The following SNRK variants were observed in gnomAD, a reference collection of about 807,000 sequenced individuals.
The protein encoded by SNRK is SNF related kinase.
Under a neutral mutation model 48.2 loss-of-function variants are expected in SNRK, and 3 were observed. The observed-to-expected ratio is 0.06, with a 90% confidence interval of 0.03 to 0.16. SNRK has a LOEUF of 0.16. Ranked by LOEUF, SNRK falls within the 10% of genes least tolerant of loss-of-function variation. The pLI is 1.00. For synonymous variants in SNRK, 376 were observed against 366.1 expected (o/e 1.03, Z -0.31); for missense variants, 627 against 976.0 (o/e 0.64, Z 4.76).
At position 43,347,544 on chromosome 3, in the gene SNRK, C is replaced by T. The variant is rs2091286367; in HGVS notation, c.1285C>T (p.Pro429Ser). 1.2e-6 allele frequency: 2 copies of T among 1,613,658 alleles called. No homozygotes were observed. Among genetic ancestry groups the T allele is most frequent in the African/African-American group, 1.3e-5 (1 of 74,986 alleles). Residue 429 changes from proline to serine, a missense_variant, in exon 7 of 7, where the codon CCC (proline) becomes TCC (serine). This residue lies in a region of SNRK where 175 missense variants were observed against 209.7 expected (regional missense o/e 0.83). Transcript: ENST00000296088. This position sits in a 1 kb window ranked among gnomAD's most constrained non-coding sequence, Gnocchi z 5.4. ...LAGPALSTVP[P>S]ASLKPTASGR... ...TGGACCAGCACTCTCTACGGTGCCACCCGCAAGCTTAAAACCCACAGCCAG... is the reference window on the plus strand; with the variant it reads ...TGGACCAGCACTCTCTACGGTGCCATCCGCAAGCTTAAAACCCACAGCCAG...
At chr3:43,300,044 TC>T (rs2125617804) in intron 2 of SNRK, among the ~76,000 whole-genome samples, 1 of 152,344 alleles carries the variant, frequency 6.6e-6, no homozygotes, top group East Asian at 1.9e-4. Flanking sequence ...GTCTAAACTT[TC>T]AGTTAATCAT....
At chr3:43,338,212 C>G (rs996019915) in intron 4 of SNRK, among the ~76,000 whole-genome samples, 1 of 152,196 alleles carries the variant, frequency 6.6e-6, no homozygotes, top group Non-Finnish European at 1.5e-5. Flanking sequence ...TTTACCCTTC[C>G]AAGTGGAATC....
intron 2 of SNRK, among the ~76,000 whole-genome samples, chr3:43,302,691 T>C (rs2090906938): frequency 6.6e-6 from 1 of 151,740 alleles, no homozygotes; most frequent in Non-Finnish European, 1.5e-5. Context: ...TTGGGGAAAC[T>C]GAAAAGTTGT....
At position 43,350,498 on chromosome 3, in the gene SNRK, A is replaced by G. The variant is rs937337064; in HGVS notation, c.*1941A>G. 6.6e-6 allele frequency: 1 copy of G among 152,584 alleles called. No individual in the cohort carries two copies. Among genetic ancestry groups the G allele is most frequent in the Non-Finnish European group, 1.5e-5 (1 of 68,030 alleles). The allele number at this position is 152,584 out of a possible 1,614,324, so 9.5% of individuals were successfully genotyped here. On this transcript the variant is annotated 3_prime_UTR_variant, in exon 7 of 7. Coordinates refer to ENST00000296088, the MANE Select transcript of SNRK (RefSeq NM_017719.5). ...ATGTGTTTGGTTTCAATGGTTTTTTATATTCAGATGTATATATGGTGCTCA... is the reference window on the plus strand; with the variant it reads ...ATGTGTTTGGTTTCAATGGTTTTTTGTATTCAGATGTATATATGGTGCTCA...
rs757130629 is a variant in SNRK at position 43,303,813 on chromosome 3, A to G, written c.589+21A>G. 1 of 1,508,434 alleles carries G rather than the reference A, an allele frequency of 6.6e-7. No homozygotes were observed. Among genetic ancestry groups the G allele is most frequent in the Non-Finnish European group, 9.1e-7 (1 of 1,095,918 alleles). The allele number at this position is 1,508,434 out of a possible 1,614,324, so 93.4% of individuals were successfully genotyped here. On this transcript the variant is annotated intron_variant, in intron 3 of 6. Coordinates refer to ENST00000296088, the MANE Select transcript of SNRK (RefSeq NM_017719.5). The surrounding 1 kb of genome is among the most constrained non-coding windows in gnomAD (Gnocchi z 6.2). ...AGTAGGTAGGTAACCTCGGTCCAGT[A>G]TTTGGCCATTTGAATTCTGCCAGCT...
In SNRK at chr3:43,348,742, C is replaced by T; in HGVS notation, c.*185C>T. The T allele has an allele frequency of 1.9e-6, 1 of 516,776 alleles. No individual in the cohort carries two copies. The allele number at this position is 516,776 out of a possible 1,614,324, so 32.0% of individuals were successfully genotyped here. A position where few individuals can be genotyped will look rare whatever the true frequency, so the allele number is the denominator to read the frequency against. On this transcript the variant is annotated 3_prime_UTR_variant, in exon 7 of 7. Transcript: ENST00000296088. ...TTTGTGCATGCTGCTAGACACTTTT[C>T]TTTCCCAGCCGAAAAGCCTATTATG...
intron 4 of SNRK, among the ~76,000 whole-genome samples, chr3:43,338,028 G>A (rs1209949184): frequency 6.6e-6 from 1 of 152,188 alleles, no homozygotes; most frequent in Non-Finnish European, 1.5e-5. Context: ...GCGATGACGG[G>A]TATGAGCCAC....
intron 6 of SNRK, 100 bp downstream of exon 6, chr3:43,343,578 A>G: frequency 7.8e-7 from 1 of 1,287,040 alleles, no homozygotes; most frequent in Non-Finnish European, 1.1e-6. Flanking sequence ...GGGGCAAGAG[A>G]GTACAAACAG....
At position 43,349,333 on chromosome 3, in the gene SNRK, T is replaced by C. The variant is rs1368758500; in HGVS notation, c.*776T>C. 6.5e-6 allele frequency: 1 copy of C among 152,680 alleles called. No homozygotes were observed. Among genetic ancestry groups the C allele is most frequent in the Non-Finnish European group, 1.5e-5 (1 of 68,044 alleles). 9.5% of individuals were successfully genotyped at this position (152,680 alleles called of 1,614,324 possible). On this transcript the variant is annotated 3_prime_UTR_variant, in exon 7 of 7. Transcript: ENST00000296088. ...GTCTTAACTCTACTTAGAGAGTGTATGTCTGTCTAACAGAACAAAAAGATG... is the reference window on the plus strand; with the variant it reads ...GTCTTAACTCTACTTAGAGAGTGTACGTCTGTCTAACAGAACAAAAAGATG...
At chr3:43,309,167 T>G (rs2090959939) in intron 3 of SNRK, among the ~76,000 whole-genome samples, 1 of 152,142 alleles carries the variant, frequency 6.6e-6, no homozygotes, top group African/African-American at 2.4e-5. Context: ...TTTTAGTTGT[T>G]GTTGTTTTAT....
In SNRK at chr3:43,303,420, C is replaced by T. The variant is rs1363931438; in HGVS notation, c.217C>T (p.Pro73Ser). The change falls in exon 3 of 7, where the codon CCT becomes TCT. Residue 73 changes from proline (P) to serine (S), a missense_variant. Coordinates refer to ENST00000296088, the MANE Select transcript of SNRK (RefSeq NM_017719.5). This position sits in a 1 kb window ranked among gnomAD's most constrained non-coding sequence, Gnocchi z 6.2. ...GAGATGCATGAAACTAGTGCAGCAT[C>T]CTAACATCGTCCGCCTTTATGAAGT... ...EVRCMKLVQH[P>S]NIVRLYEVID... is the part of the protein sequence containing the mutation. 1 of 1,614,128 alleles carries T rather than the reference C, an allele frequency of 6.2e-7. No homozygotes were observed.
At chr3:43,333,808 G>A (rs1014041261) in intron 4 of SNRK, among the ~76,000 whole-genome samples, 5 of 152,082 alleles carry the variant, frequency 3.3e-5, no homozygotes, top group African/African-American at 1.2e-4. Flanking sequence ...ACAGTTCCTA[G>A]TATCTTAGTA....
At chr3:43,302,480 T>C (rs902940497) in intron 2 of SNRK, among the ~76,000 whole-genome samples, 2 of 151,870 alleles carry the variant, frequency 1.3e-5, no homozygotes, top group Admixed American at 6.6e-5. Flanking sequence ...GAATAGAAAA[T>C]CCCTGAGAAC....
Position 43,347,884 on chromosome 3 carries a change from A to T in SNRK, c.1625A>T (p.Glu542Val). The change falls in exon 7 of 7, where the codon GAG becomes GTG. Residue 542 changes from glutamate to valine, a missense_variant. Physicochemically the swap from Glu to Val is moderately radical, Grantham distance 121 (BLOSUM62 -2). Coordinates refer to ENST00000296088, the MANE Select transcript of SNRK (RefSeq NM_017719.5). The surrounding 1 kb of genome is among the most constrained non-coding windows in gnomAD (Gnocchi z 5.4). ...CGGGGCTCCAGCTGCAGTAGTTCGG[A>T]GACCAGTGATGATGATTCTGAAAGC... ...QGRGSSCSSS[E>V]TSDDDSESRR... The T allele has an allele frequency of 6.2e-7, 1 of 1,614,162 alleles. No individual in the cohort carries two copies. The highest frequency in any genetic ancestry group is 8.5e-7 in the Non-Finnish European group (1 of 1,180,042).
chr3:43,295,224 G>A (rs1173066108), intron 1 of SNRK, among the ~76,000 whole-genome samples: 1 of 152,168 alleles, frequency 6.6e-6, no homozygotes, highest in Non-Finnish European at 1.5e-5. Flanking sequence ...CCTAACTCCT[G>A]AGTACATTCA....
intron 4 of SNRK, 114 bp from the exon 5 acceptor site, chr3:43,340,173 A>C: frequency 6.4e-4 from 483 of 757,666 alleles, no homozygotes; most frequent in Non-Finnish European, 1.0e-3. Flanking sequence ...TGCCACCACT[A>C]GTGCACCTAA....
intron 3 of SNRK, among the ~76,000 whole-genome samples, chr3:43,331,538 T>C (rs2091146232): frequency 6.6e-6 from 1 of 152,232 alleles, no homozygotes; most frequent in South Asian, 2.1e-4. Context: ...CCTTTTCTGG[T>C]ATTGTAACGG....
intron 4 of SNRK, among the ~76,000 whole-genome samples, chr3:43,333,810 A>G (rs924551224): frequency 6.6e-6 from 1 of 152,168 alleles, no homozygotes. Context: ...AGTTCCTAGT[A>G]TCTTAGTAGC....
chr3:43,298,697 CCT>C (rs2090875809), intron 1 of SNRK, among the ~76,000 whole-genome samples: 2 of 152,198 alleles, frequency 1.3e-5, no homozygotes, highest in South Asian at 4.1e-4. Context: ...AATGTTTAGG[CCT>C]CTCTGTTATT....
Sources: allele counts gnomAD v4.1 joint callset (sites outside exome capture counted in the v4.1 genomes callset), GRCh38; gene constraint gnomAD v4.1.1; regional missense constraint gnomAD v4.1.1; non-coding constraint Gnocchi (gnomAD v3.1); transcripts MANE v1.5; gene names NCBI Gene and HGNC (gene_info 2026-07-23, HGNC 2026-07-21).